The following FLT3 variants were observed in gnomAD, a reference collection of about 807,000 sequenced individuals.
FLT3 encodes the protein fms related receptor tyrosine kinase 3.
FLT3 carries 46 observed loss-of-function variants against 126.6 expected under a neutral mutation model. The observed-to-expected ratio is 0.36, with a 90% CI of 0.29 to 0.46. The LOEUF is 0.46. Among genes scored for constraint, FLT3 ranks in the 20% least tolerant of loss-of-function variants. The pLI, the probability that FLT3 is intolerant of heterozygous loss-of-function variation, is 1.00. For synonymous variants in FLT3, 404 were observed against 434.4 expected (o/e 0.93, Z 0.87); for missense variants, 1,069 against 1,190.3 (o/e 0.90, Z 1.50).
At chr13:28,067,318 C>T (rs534549899) in intron 2 of FLT3, among the ~76,000 whole-genome samples, 95 of 152,328 alleles carry the variant, frequency 6.2e-4, no homozygotes, top group African/African-American at 2.2e-3. Context: ...CCACCGTGCC[C>T]AGCCCCTGTA....
intron 23 of FLT3, among the ~76,000 whole-genome samples, chr13:28,008,084 C>T (rs1241874257): frequency 6.6e-6 from 1 of 151,844 alleles, no homozygotes; most frequent in East Asian, 1.9e-4. Context: ...GTGGCTCACA[C>T]CAGTAATCCC....
chr13:28,088,391 G>C (rs1878816932), intron 1 of FLT3, among the ~76,000 whole-genome samples: 2 of 151,662 alleles, frequency 1.3e-5, no homozygotes, highest in African/African-American at 4.8e-5. Context: ...AGGTTCAGGT[G>C]ATTCTCACAC....
intron 3 of FLT3, among the ~76,000 whole-genome samples, chr13:28,059,003 T>G (rs1209552810): frequency 6.6e-6 from 1 of 151,970 alleles, no homozygotes; most frequent in Non-Finnish European, 1.5e-5. Context: ...TGGCTGGCAC[T>G]GTGGCTCACG....
intron 9 of FLT3, among the ~76,000 whole-genome samples, chr13:28,040,622 C>G (rs1874269160): frequency 6.6e-6 from 1 of 151,746 alleles, no homozygotes; most frequent in African/African-American, 2.4e-5. Context: ...GCCCTGAACT[C>G]GTAAGCCAAG....
chr13:28,011,516 C>A (rs1428459844), intron 23 of FLT3, among the ~76,000 whole-genome samples: 1 of 150,910 alleles, frequency 6.6e-6, no homozygotes, highest in Non-Finnish European at 1.5e-5. Context: ...TTGCACCAAA[C>A]AAAAGTGCCC....
rs928890340 is a variant in FLT3, at chr13:28,025,614, T to G, written c.2208-671A>C. 3.3e-5 allele frequency among the ~76,000 whole-genome samples: 5 copies of G among 152,134 alleles called. No homozygotes were observed. The South Asian group carries it at 1.0e-3, about 32-fold the overall frequency. ...CCACAAATATTCCAAAAGGAATAAT[T>G]TCAGTGTATTTAATATTCCAGTGAA... On this transcript the variant is annotated intron_variant, in intron 17 of 23. Coordinates refer to ENST00000241453, the MANE Select transcript of FLT3 (RefSeq NM_004119.3).
chr13:28,050,778 G>A (rs755075251), intron 5 of FLT3, among the ~76,000 whole-genome samples: 25 of 151,546 alleles, frequency 1.6e-4, no homozygotes, highest in Non-Finnish European at 2.9e-4. Context: ...AGCAGAAAGC[G>A]AACTTTTGTA....
At chr13:28,098,805 G>C (rs1879639669) in intron 1 of FLT3, among the ~76,000 whole-genome samples, 1 of 151,542 alleles carries the variant, frequency 6.6e-6, no homozygotes, top group African/African-American at 2.4e-5. Flanking sequence ...CACTGCTACA[G>C]AGAACAAGGT....
At chr13:28,032,012 G>A (rs1474238898) in intron 15 of FLT3, among the ~76,000 whole-genome samples, 1 of 152,110 alleles carries the variant, frequency 6.6e-6, no homozygotes, top group Admixed American at 6.5e-5. Context: ...GGACGAGGAT[G>A]GAATCAAGAG....
At chr13:28,099,780 G>A (rs1311241184) in intron 1 of FLT3, among the ~76,000 whole-genome samples, 7 of 152,068 alleles carry the variant, frequency 4.6e-5, no homozygotes, top group African/African-American at 7.2e-5. Flanking sequence ...GACAGTCCTC[G>A]GAGTCCTTGA....
intron 23 of FLT3, among the ~76,000 whole-genome samples, chr13:28,011,533 G>A (rs1871362542): frequency 6.6e-6 from 1 of 152,086 alleles, no homozygotes; most frequent in African/African-American, 2.4e-5. Flanking sequence ...GCCCAGCAGA[G>A]CGGGCAAGAT....
At chr13:28,072,674 G>A (rs1396212064) in intron 1 of FLT3, among the ~76,000 whole-genome samples, 1 of 152,116 alleles carries the variant, frequency 6.6e-6, no homozygotes, top group African/African-American at 2.4e-5. Context: ...GGGATTACAG[G>A]CATGAACCAC....
chr13:28,058,787 C>T (rs1029870320), intron 3 of FLT3, among the ~76,000 whole-genome samples: 11 of 152,196 alleles, frequency 7.2e-5, no homozygotes, highest in Admixed American at 3.3e-4. Context: ...TAAACACAGT[C>T]AATTAGCAGG....
chr13:28,061,917 G>C lies in FLT3; in HGVS notation c.318C>G (p.Val106=), dbSNP rs955964570. 2 of 1,613,974 alleles carry C rather than the reference G, an allele frequency of 1.2e-6. No individual in the cohort carries two copies. Among genetic ancestry groups the C allele is most frequent in the African/African-American group, 2.7e-5 (2 of 74,922 alleles). The change falls in exon 3 of 24, where the codon GTC becomes GTG. Residue 106 remains valine, a synonymous_variant. Coordinates refer to ENST00000241453, the MANE Select transcript of FLT3 (RefSeq NM_004119.3). ...DAPGNISCLW[V]FKHSSLNCQP... Reference sequence around the variant, plus strand: ...GGCAATTCAGGGAGCTGTGCTTAAAGACCCAGAGACAGGAAATGTTCCCTG... The same window carrying C: ...GGCAATTCAGGGAGCTGTGCTTAAACACCCAGAGACAGGAAATGTTCCCTG...
intron 10 of FLT3, among the ~76,000 whole-genome samples, 164 bp downstream of exon 10, chr13:28,037,021 G>T (rs931582013): frequency 6.6e-6 from 1 of 152,082 alleles, no homozygotes. Flanking sequence ...AAAGATATAT[G>T]ATCAATGCCA....
At chr13:28,090,258 G>C (rs895496394) in intron 1 of FLT3, among the ~76,000 whole-genome samples, 5 of 150,230 alleles carry the variant, frequency 3.3e-5, no homozygotes, top group Non-Finnish European at 7.4e-5. Context: ...AGCTGGTCTT[G>C]AACTCCTGAC....
At position 28,003,378 on chromosome 13, in the gene FLT3, C is replaced by A. The variant is rs1870608875; in HGVS notation, c.*674G>T. 4.3e-6 allele frequency: 1 copy of A among 233,402 alleles called. No homozygotes were observed. The highest frequency in any genetic ancestry group is 2.2e-5 in the African/African-American group (1 of 45,328). 14.5% of individuals were successfully genotyped at this position (233,402 alleles called of 1,614,324 possible). ...CAAAGTGTCTAGGTGATGTATTACT[C>A]TTTATGGTAGAACACCTATTCATTA... On this transcript the variant is annotated 3_prime_UTR_variant, in exon 24 of 24. Transcript: ENST00000241453.
chr13:28,073,321 C>T (rs1877688941), intron 1 of FLT3: 1 of 339,868 alleles, frequency 2.9e-6, no homozygotes, highest in Non-Finnish European at 5.8e-6. Flanking sequence ...GCACTCCAGC[C>T]CCTGGGTGAC....
chr13:28,058,210 AAAAAAAAAAC>A (rs1238073363), intron 3 of FLT3, among the ~76,000 whole-genome samples: 9 of 91,568 alleles, frequency 9.8e-5, no homozygotes, highest in East Asian at 5.0e-4. Context: ...TAAAAATTAA[AAAAAAAAAAC>A]AAAAAAAAAA....
Sources: gnomAD v4.1 joint callset for allele counts (sites outside exome capture counted in the v4.1 genomes callset) on GRCh38, gnomAD v4.1.1 for gene constraint, MANE v1.5 for transcripts, NCBI Gene and HGNC (gene_info 2026-07-23, HGNC 2026-07-21) for gene names.